The following LPP variants were observed in gnomAD, a reference collection of about 807,000 sequenced individuals.
LPP encodes the protein lipoma-preferred partner.
In LPP, 38 loss-of-function variants were observed where a neutral mutation model predicts 60.4. The ratio of observed to expected loss-of-function variants is 0.63; its 90% CI spans 0.49 to 0.83. LPP has a LOEUF of 0.83. Among genes scored for constraint, LPP ranks in the 40% least tolerant of loss-of-function variants. The probability of loss-of-function intolerance (pLI) is 0.00; values close to 1 mark genes in which losing one functional copy is unlikely to be tolerated. For synonymous variants in LPP, 328 were observed against 290.8 expected (o/e 1.13, Z -1.30); for missense variants, 902 against 783.6 (o/e 1.15, Z -1.80).
At chr3:188,238,799 T>C (rs985810334) in intron 2 of LPP, among the ~76,000 whole-genome samples, 10 of 152,106 alleles carry the variant, frequency 6.6e-5, no homozygotes, top group Non-Finnish European at 8.8e-5. Flanking sequence ...TACCAAAAGG[T>C]GACACAGAGC....
At chr3:188,280,432 C>G (rs1180049265) in intron 2 of LPP, among the ~76,000 whole-genome samples, 2 of 152,256 alleles carry the variant, frequency 1.3e-5, no homozygotes, top group African/African-American at 2.4e-5. Flanking sequence ...AATGCCGCAT[C>G]TCAGGATACA....
intron 4 of LPP, among the ~76,000 whole-genome samples, chr3:188,416,769 T>C (rs1786395644): frequency 6.6e-6 from 1 of 152,180 alleles, no homozygotes; most frequent in African/African-American, 2.4e-5. Flanking sequence ...AAAAAATGGA[T>C]TCTTCGAGAA....
rs912048624 is a variant in LPP at position 188,423,926 on chromosome 3, G to GT, written c.193+17621dup. 4.3e-4 allele frequency among the ~76,000 whole-genome samples: 65 copies of GT among 151,442 alleles called. 1 individual carries two copies. Among genetic ancestry groups the GT allele is most frequent in the Middle Eastern group, 3.4e-3 (1 of 292 alleles). Reference sequence around the variant, plus strand: ...GGTTTCCTGTTCACTCTGATAGATAGTTTTTTTTGCTGTGCAGAAGCTCTT... The same window carrying GT: ...GGTTTCCTGTTCACTCTGATAGATAGTTTTTTTTTGCTGTGCAGAAGCTCTT... On this transcript the variant is annotated intron_variant, in intron 4 of 11. Coordinates refer to ENST00000617246, the MANE Select transcript of LPP (RefSeq NM_001375462.1).
intron 3 of LPP, among the ~76,000 whole-genome samples, chr3:188,380,339 C>T (rs1441068834): frequency 6.6e-6 from 1 of 152,210 alleles, no homozygotes; most frequent in Non-Finnish European, 1.5e-5. Flanking sequence ...CATGGCAAAC[C>T]CTACTTTGTA....
chr3:188,406,023 G>C (rs1054364704), intron 3 of LPP, 89 bp from the exon 4 acceptor site: 29 of 1,145,726 alleles, frequency 2.5e-5, no homozygotes, highest in Non-Finnish European at 3.4e-5. Context: ...GATGCATTTA[G>C]TATGGATTAA....
chr3:188,765,761 C>G (rs923216799), intron 9 of LPP, among the ~76,000 whole-genome samples: 2 of 150,198 alleles, frequency 1.3e-5, no homozygotes, highest in African/African-American at 4.9e-5. Flanking sequence ...AGGCTGAACT[C>G]AAACTCCTGG....
rs1278956653 is a variant in LPP, at chr3:188,200,296, C to T, written c.-189-25109C>T. Among the ~76,000 whole-genome samples, 5 of 148,322 alleles carry T rather than the reference C, an allele frequency of 3.4e-5. No homozygotes were observed. The East Asian group carries it at 9.9e-4, about 29-fold the overall frequency. ...CGGAGTTTCACTCTTGTTGCCCAGG[C>T]TGGAGTGCAGTGGTGCGATCGCGGC... On this transcript the variant is annotated intron_variant, in intron 1 of 11. Transcript: ENST00000617246.
chr3:188,474,570 A>G (rs1802704188), intron 4 of LPP, among the ~76,000 whole-genome samples: 1 of 152,212 alleles, frequency 6.6e-6, no homozygotes. Context: ...TGACCACCAC[A>G]GGGTAATGTC....
rs554588354 is a variant in LPP, at chr3:188,241,343, A to G, written c.-67+15816A>G. 3.3e-5 allele frequency among the ~76,000 whole-genome samples: 5 copies of G among 152,326 alleles called. No homozygotes were observed. In the South Asian group the frequency reaches 1.0e-3, roughly 32 times the overall value. ...TCCGCTGTGTGCTGGACAGCCCCAG[A>G]CACCCTCGGCAGCCTGCTGTGTTTG... On this transcript the variant is annotated intron_variant, in intron 2 of 11. Coordinates refer to ENST00000617246, the MANE Select transcript of LPP (RefSeq NM_001375462.1).
intron 9 of LPP, among the ~76,000 whole-genome samples, chr3:188,856,689 G>A (rs539353989): frequency 3.9e-5 from 6 of 152,182 alleles, no homozygotes; most frequent in Non-Finnish European, 8.8e-5. Context: ...TCAAGGTGCT[G>A]TGAATTCCAG....
chr3:188,177,324 T>C (rs1050595961), intron 1 of LPP, among the ~76,000 whole-genome samples: 2 of 152,140 alleles, frequency 1.3e-5, no homozygotes, highest in East Asian at 1.9e-4. Flanking sequence ...TGGATACCAG[T>C]CTTGGAGCAT....
intron 7 of LPP, among the ~76,000 whole-genome samples, chr3:188,656,635 G>A (rs1332138227): frequency 6.6e-6 from 1 of 152,156 alleles, no homozygotes; most frequent in African/African-American, 2.4e-5. Flanking sequence ...CCATTTCCTG[G>A]TGGTTAAATC....
Position 188,881,139 on chromosome 3 carries a change from C to CAAAAAAAAAAAAAAAAAAAAA in LPP, c.*6679_*6680insAAAAAAAAAAAAAAAAAAAAA, listed in dbSNP as rs11328247. On this transcript the variant is annotated 3_prime_UTR_variant, in exon 12 of 12. Transcript: ENST00000617246. Reference sequence around the variant, plus strand: ...TGGGCGAAAGAGCGAGACTCCGTCTCAAAAAAAAAAAAAAAAAAATAGGAT... The same window carrying CAAAAAAAAAAAAAAAAAAAAA: ...TGGGCGAAAGAGCGAGACTCCGTCTCAAAAAAAAAAAAAAAAAAAAAAAAAAAAAAAAAAAAAAAATAGGAT... 1,006 of 72,514 alleles carry CAAAAAAAAAAAAAAAAAAAAA rather than the reference C, an allele frequency of 0.014. 85 individuals are homozygous for CAAAAAAAAAAAAAAAAAAAAA. The highest frequency in any genetic ancestry group is 0.057 in the Middle Eastern group (8 of 140). 4.5% of individuals were successfully genotyped at this position (72,514 alleles called of 1,614,324 possible).
At chr3:188,261,893 G>A (rs1733787810) in intron 2 of LPP, among the ~76,000 whole-genome samples, 1 of 152,122 alleles carries the variant, frequency 6.6e-6, no homozygotes, top group Non-Finnish European at 1.5e-5. Context: ...CTTCAGCTTG[G>A]GTCACAGAGT....
At chr3:188,556,343 T>C (rs1341224196) in intron 6 of LPP, among the ~76,000 whole-genome samples, 2 of 152,074 alleles carry the variant, frequency 1.3e-5, no homozygotes, top group African/African-American at 4.8e-5. Flanking sequence ...TTTTTTTTGT[T>C]TGTTTGTTTT....
In LPP at chr3:188,608,406, C is replaced by T. The variant is rs555367037; in HGVS notation, c.430-755C>T. Among the ~76,000 whole-genome samples the T allele has an allele frequency of 1.1e-3, 170 of 152,070 alleles. 1 individual carries two copies. Among genetic ancestry groups the T allele is most frequent in the African/African-American group, 4.1e-3 (168 of 41,444 alleles). Reference sequence around the variant, plus strand: ...CTTTTGTATGTGTATTTCTAGTTTCCCTAACATCATCTATTGAAGAAATTT... The same window carrying T: ...CTTTTGTATGTGTATTTCTAGTTTCTCTAACATCATCTATTGAAGAAATTT... On this transcript the variant is annotated intron_variant, in intron 6 of 11. Transcript: ENST00000617246.
intron 8 of LPP, among the ~76,000 whole-genome samples, chr3:188,714,775 G>A (rs1262488789): frequency 3.9e-5 from 6 of 152,068 alleles, no homozygotes; most frequent in African/African-American, 1.2e-4. Flanking sequence ...TATACTGTGG[G>A]CATTTGCCAT....
At chr3:188,179,712 G>A (rs1724346683) in intron 1 of LPP, 2 of 350,586 alleles carry the variant, frequency 5.7e-6, no homozygotes, top group Admixed American at 3.9e-5. Context: ...CTCTGGTTGT[G>A]AGAAATGGGC....
At chr3:188,259,664 T>C (rs1732887650) in intron 2 of LPP, among the ~76,000 whole-genome samples, 1 of 152,264 alleles carries the variant, frequency 6.6e-6, no homozygotes, top group Non-Finnish European at 1.5e-5. Flanking sequence ...AAGAATATTG[T>C]AGGCATTTCC....
Sources: allele counts gnomAD v4.1 joint callset (sites outside exome capture counted in the v4.1 genomes callset), GRCh38; gene constraint gnomAD v4.1.1; transcripts MANE v1.5; gene names NCBI Gene and HGNC (gene_info 2026-07-23, HGNC 2026-07-21).